Variants in MOV10L1 observed in about 807,000 individuals in gnomAD.
The protein encoded by MOV10L1 is Mov10 like RNA helicase 1.
A neutral mutation model predicts 143.8 loss-of-function variants in MOV10L1; 110 were observed. The observed-to-expected ratio is 0.76, with a 90% CI of 0.66 to 0.90. MOV10L1 has a LOEUF of 0.90. Ranked by LOEUF, MOV10L1 falls within the 40% of genes least tolerant of loss-of-function variation. The probability of loss-of-function intolerance (pLI) is 0.00; values close to 1 mark genes in which losing one functional copy is unlikely to be tolerated. For synonymous variants in MOV10L1, 593 were observed against 581.1 expected, an observed-to-expected ratio of 1.02 and a Z score of -0.29; for missense variants, 1,406 against 1,526.8, an observed-to-expected ratio of 0.92 and a Z score of 1.32.
At chr22:50,117,065 T>C in intron 8 of MOV10L1, 92 bp from the exon 9 acceptor site, 1 of 1,164,304 alleles carries the variant, frequency 8.6e-7, no homozygotes, top group Non-Finnish European at 1.2e-6. Context: ...GAGTCTTAAC[T>C]CTGTCACTTT....
At chr22:50,149,412 G>C in intron 19 of MOV10L1, 1 of 584,668 alleles carries the variant, frequency 1.7e-6, no homozygotes, top group Non-Finnish European at 3.1e-6. Flanking sequence ...AAAGCACTGG[G>C]TGCTGATGTG....
At chr22:50,096,649 T>C (rs1391374946) in intron 2 of MOV10L1, among the ~76,000 whole-genome samples, 1 of 152,198 alleles carries the variant, frequency 6.6e-6, no homozygotes, top group African/African-American at 2.4e-5. Context: ...ATTTTCTTTT[T>C]CTTTTTTTTT....
intron 15 of MOV10L1, among the ~76,000 whole-genome samples, chr22:50,137,340 T>C (rs998865997): frequency 2.0e-5 from 3 of 152,174 alleles, no homozygotes; most frequent in African/African-American, 7.2e-5. Context: ...TTTTATCTTC[T>C]AGGAATGAAA....
intron 1 of MOV10L1, chr22:50,090,896 G>A (rs1471798963): frequency 1.2e-5 from 3 of 257,712 alleles, no homozygotes; most frequent in Non-Finnish European, 2.4e-5. Context: ...GGCTGGTCTC[G>A]AACTCCTGAT....
At chr22:50,128,281 T>G in intron 12 of MOV10L1, 135 bp from the exon 13 acceptor site, 1 of 607,728 alleles carries the variant, frequency 1.6e-6, no homozygotes, top group Non-Finnish European at 3.0e-6. Context: ...GCGTAATGAT[T>G]TAATCCTTTT....
chr22:50,108,696 G>C lies in MOV10L1; in HGVS notation c.595G>C (p.Glu199Gln), dbSNP rs200698989. 13 of 1,614,214 alleles carry C rather than the reference G, an allele frequency of 8.1e-6. No individual in the cohort carries two copies. In the African/African-American group the frequency reaches 1.5e-4, roughly 18 times the overall value. The change falls in exon 5 of 27, where the codon GAG becomes CAG. Residue 199 changes from glutamate (E) to glutamine (Q), a missense_variant. Transcript: ENST00000262794. ...SSLCGRNGVL[E>Q]ESIFFTLDSL... Reference sequence around the variant, plus strand: ...CCTCTGTGGAAGGAACGGGGTGTTAGAGGAAAGCATCTTCTTTACCTTGGA... The same window carrying C: ...CCTCTGTGGAAGGAACGGGGTGTTACAGGAAAGCATCTTCTTTACCTTGGA...
At chr22:50,139,005 ATT>A (rs59141099) in intron 15 of MOV10L1, among the ~76,000 whole-genome samples, 2 of 144,974 alleles carry the variant, frequency 1.4e-5, no homozygotes, top group Admixed American at 6.9e-5. Flanking sequence ...CCAGGCCTGA[ATT>A]TTTTTTTTTT....
chr22:50,099,974 T>G (rs1208528892), intron 3 of MOV10L1, among the ~76,000 whole-genome samples: 3 of 145,350 alleles, frequency 2.1e-5, no homozygotes. Context: ...GGTCACTGTT[T>G]TGTTTTTTTT....
chr22:50,090,551 C>T (rs769287580), intron 1 of MOV10L1: 4 of 1,593,646 alleles, frequency 2.5e-6, no homozygotes, highest in African/African-American at 1.3e-5. Context: ...GCCCCGCAGA[C>T]TTGGCCTGTC....
Position 50,158,079 on chromosome 22 carries a change from A to G in MOV10L1, c.3089A>G (p.Lys1030Arg). The change falls in exon 23 of 27, where the codon AAA (lysine) becomes AGA (arginine). Residue 1030 changes from lysine (K) to arginine (R), a missense_variant. This residue lies in a region of MOV10L1 where 1,233 missense variants were observed against 1,351.4 expected (regional missense o/e 0.91). Transcript: ENST00000262794. The surrounding 1 kb of genome is among the most constrained non-coding windows in gnomAD (Gnocchi z 5.0). ...GVRGSEAREGKSPSWFNPAEA... is the reference protein window; with the variant it reads ...GVRGSEAREGRSPSWFNPAEA... ...CAGGGCAGCGAGGCACGGGAGGGAA[A>G]AAGCCCATCGTGGTTCAACCCGGCC... is the stretch of plus-strand genomic sequence containing the variant. The G allele has an allele frequency of 1.2e-6, 2 of 1,614,016 alleles. No homozygotes were observed. The highest frequency in any genetic ancestry group is 1.7e-6 in the Non-Finnish European group (2 of 1,179,916).
chr22:50,107,882 C>T lies in MOV10L1; in HGVS notation c.443-254C>T, dbSNP rs990928987. Among the ~76,000 whole-genome samples the T allele has an allele frequency of 3.3e-5, 5 of 152,172 alleles. No homozygotes were observed. In the South Asian group the frequency reaches 1.0e-3, roughly 32 times the overall value. ...TGTGCCACACGAGGAGGGACTGCCA[C>T]GAGCATGCACACTGCACCTTCTAGA... On this transcript the variant is annotated intron_variant, in intron 3 of 26. Transcript: ENST00000262794.
In MOV10L1 at chr22:50,159,396, T is replaced by TC. The variant is rs1938024734; in HGVS notation, c.3217-281dup. On this transcript the variant is annotated intron_variant, in intron 23 of 26. Transcript: ENST00000262794. The surrounding 1 kb of genome is among the most constrained non-coding windows in gnomAD (Gnocchi z 4.1). The stretch of plus-strand genomic sequence containing the variant: ...GTAGGCGGATCACAAGGTCAGGAGT[T>TC]CAAGACCAGCCTGGCCAATATGGTG... 1 of 197,654 alleles carries TC rather than the reference T, an allele frequency of 5.1e-6. No homozygotes were observed. The highest frequency in any genetic ancestry group is 6.1e-5 in the Admixed American group (1 of 16,380). The allele number at this position is 197,654 out of a possible 1,614,324, so 12.2% of individuals were successfully genotyped here. A position where few individuals can be genotyped will look rare whatever the true frequency, so the allele number is the denominator to read the frequency against.
chr22:50,131,112 G>A lies in MOV10L1; in HGVS notation c.1910+2605G>A, dbSNP rs1602263139. ...TTTTAGTGAGACGGGGTTTCACTGT[G>A]TTAGCCAGAATGGTCTCAATCTCCT... On this transcript the variant is annotated intron_variant, in intron 13 of 26. Coordinates refer to ENST00000262794, the MANE Select transcript of MOV10L1 (RefSeq NM_018995.3). Among the ~76,000 whole-genome samples, 3 of 143,542 alleles carry A rather than the reference G, an allele frequency of 2.1e-5. No homozygotes were observed. The South Asian group carries it at 6.6e-4, about 32-fold the overall frequency. The allele number at this position is 143,542 out of a possible 152,430, so 94.2% of individuals were successfully genotyped here.
At chr22:50,114,938 T>G (rs1602195906) in intron 7 of MOV10L1, among the ~76,000 whole-genome samples, 176 bp from the exon 8 acceptor site, 1 of 152,324 alleles carries the variant, frequency 6.6e-6, no homozygotes, top group Non-Finnish European at 1.5e-5. Context: ...CTCTCCTACT[T>G]CCAGCTGCTC....
intron 15 of MOV10L1, among the ~76,000 whole-genome samples, chr22:50,135,715 C>T (rs184458347): frequency 6.7e-6 from 1 of 148,750 alleles, no homozygotes; most frequent in South Asian, 2.2e-4. Flanking sequence ...CACGCCACTG[C>T]ACTCCAGCCT....
At chr22:50,142,788 A>G (rs1402453081) in intron 16 of MOV10L1, among the ~76,000 whole-genome samples, 2 of 152,012 alleles carry the variant, frequency 1.3e-5, no homozygotes, top group South Asian at 2.1e-4. Context: ...GTGAGCTGAG[A>G]TTGTGCCACT....
intron 7 of MOV10L1, among the ~76,000 whole-genome samples, 158 bp from the exon 8 acceptor site, chr22:50,114,952 CTCTT>C (rs1254916287): frequency 6.6e-6 from 1 of 152,236 alleles, no homozygotes; most frequent in African/African-American, 2.4e-5. Flanking sequence ...GCTGCTCTCT[CTCTT>C]TATGTTTTTC....
intron 24 of MOV10L1, among the ~76,000 whole-genome samples, chr22:50,160,019 T>C (rs555644906): frequency 1.3e-5 from 2 of 152,064 alleles, no homozygotes; most frequent in African/African-American, 4.8e-5. Flanking sequence ...CAGGAAGACA[T>C]GGTGAATGCC....
intron 18 of MOV10L1, among the ~76,000 whole-genome samples, chr22:50,145,073 C>G (rs549049729): frequency 3.3e-5 from 5 of 151,958 alleles, no homozygotes; most frequent in African/African-American, 9.6e-5. Context: ...CTCCTAAGTA[C>G]CTAGGATTAC....
Sources: gnomAD v4.1 joint callset for allele counts (sites outside exome capture counted in the v4.1 genomes callset) on GRCh38, gnomAD v4.1.1 for gene constraint, gnomAD v4.1.1 regional missense constraint, Gnocchi (gnomAD v3.1) non-coding constraint, MANE v1.5 for transcripts, NCBI Gene and HGNC (gene_info 2026-07-23, HGNC 2026-07-21) for gene names.